Variants in RABGAP1L observed in about 807,000 individuals in gnomAD.
RABGAP1L encodes the protein rab GTPase-activating protein 1-like.
RABGAP1L carries 63 observed loss-of-function variants against 137.7 expected under a neutral mutation model. The observed-to-expected ratio is 0.46, with a 90% CI of 0.37 to 0.56. RABGAP1L has a LOEUF of 0.56. Among genes scored for constraint, RABGAP1L ranks in the 20% least tolerant of loss-of-function variants. The pLI, the probability that RABGAP1L is intolerant of heterozygous loss-of-function variation, is 0.00. For missense variants in RABGAP1L, 1,095 were observed against 1,244.0 expected, an observed-to-expected ratio of 0.88 and a Z score of 1.80; for synonymous variants, 431 against 433.7, an observed-to-expected ratio of 0.99 and a Z score of 0.08.
At chr1:174,875,408 G>A in intron 19 of RABGAP1L, 1 of 373,492 alleles carries the variant, frequency 2.7e-6, no homozygotes, top group Non-Finnish European at 3.7e-6. Context: ...GGGTGCATAG[G>A]CGCTGCTGAA....
At chr1:174,188,037 C>G (rs893071683) in intron 1 of RABGAP1L, among the ~76,000 whole-genome samples, 2 of 152,228 alleles carry the variant, frequency 1.3e-5, no homozygotes, top group African/African-American at 4.8e-5. Context: ...CTTCTTTAAT[C>G]CCACTTTTGT....
chr1:174,184,922 A>G (rs114124493), intron 1 of RABGAP1L, among the ~76,000 whole-genome samples: 1,661 of 152,288 alleles, frequency 0.011, 31 homozygotes, highest in African/African-American at 0.038. Flanking sequence ...TGGCAGGTGT[A>G]TGCTAGCGAT....
intron 1 of RABGAP1L, among the ~76,000 whole-genome samples, chr1:174,203,491 G>A (rs1352035710): frequency 6.6e-6 from 1 of 152,186 alleles, no homozygotes; most frequent in Admixed American, 6.5e-5. Flanking sequence ...CCCGTACCAT[G>A]CTGTTTTGGT....
chr1:174,409,065 A>C (rs1649605237), intron 13 of RABGAP1L, among the ~76,000 whole-genome samples: 1 of 152,156 alleles, frequency 6.6e-6, no homozygotes, highest in Non-Finnish European at 1.5e-5. Context: ...TCTTCAGTTT[A>C]ATTAGGTCCT....
intron 13 of RABGAP1L, among the ~76,000 whole-genome samples, chr1:174,456,980 C>T (rs905050695): frequency 2.6e-5 from 4 of 152,064 alleles, no homozygotes; most frequent in African/African-American, 9.7e-5. Context: ...ATGTTAAGGG[C>T]ATAAATTGTG....
chr1:174,383,343 G>A (rs61828650), intron 12 of RABGAP1L, among the ~76,000 whole-genome samples: 12 of 149,306 alleles, frequency 8.0e-5, no homozygotes, highest in African/African-American at 2.2e-4. Flanking sequence ...TGGCTGCTTT[G>A]TTTACCTAAG....
At chr1:174,497,162 G>A (rs534906970) in intron 13 of RABGAP1L, among the ~76,000 whole-genome samples, 2 of 152,112 alleles carry the variant, frequency 1.3e-5, no homozygotes, top group African/African-American at 4.8e-5. Context: ...ATAGAATTTT[G>A]TGTGAGTATA....
At chr1:174,675,102 A>G (rs1572764439) in intron 14 of RABGAP1L, among the ~76,000 whole-genome samples, 1 of 151,786 alleles carries the variant, frequency 6.6e-6, no homozygotes, top group Non-Finnish European at 1.5e-5. Flanking sequence ...ATTAGATCCC[A>G]TTTGTCAATT....
chr1:174,311,343 A>G (rs562425007), intron 11 of RABGAP1L, among the ~76,000 whole-genome samples: 42 of 152,226 alleles, frequency 2.8e-4, no homozygotes, highest in Admixed American at 2.5e-3. Flanking sequence ...GTATGGGGGA[A>G]ACTGCCCCCA....
chr1:174,664,740 T>A (rs1156537721), intron 14 of RABGAP1L, among the ~76,000 whole-genome samples: 1 of 134,808 alleles, frequency 7.4e-6, no homozygotes, highest in East Asian at 2.3e-4. Flanking sequence ...CTTTCTTTTT[T>A]TTTTTTTTTT....
At chr1:174,651,592 G>C (rs549207376) in intron 14 of RABGAP1L, among the ~76,000 whole-genome samples, 10 of 151,984 alleles carry the variant, frequency 6.6e-5, no homozygotes, top group African/African-American at 2.4e-4. Flanking sequence ...TTATGTAATG[G>C]CCTTCTTTGT....
chr1:174,383,461 C>G (rs972433839), intron 12 of RABGAP1L, among the ~76,000 whole-genome samples: 1 of 152,152 alleles, frequency 6.6e-6, no homozygotes, highest in Non-Finnish European at 1.5e-5. Context: ...GCGTAGGACC[C>G]TCTGAGCCAG....
intron 14 of RABGAP1L, among the ~76,000 whole-genome samples, chr1:174,646,218 A>C (rs981992223): frequency 6.6e-6 from 1 of 152,288 alleles, no homozygotes; most frequent in East Asian, 1.9e-4. Flanking sequence ...TCATTTAATT[A>C]GATCCCATTC....
At chr1:174,327,986 C>CATATATATATAT (rs3057021) in intron 11 of RABGAP1L, among the ~76,000 whole-genome samples, 23 of 53,624 alleles carry the variant, frequency 4.3e-4, no homozygotes, top group Admixed American at 2.6e-3. Context: ...TATACACACA[C>CATATATATATAT]ATATATATAT....
At chr1:174,716,321 G>A (rs1480712321) in intron 17 of RABGAP1L, among the ~76,000 whole-genome samples, 2 of 152,142 alleles carry the variant, frequency 1.3e-5, no homozygotes, top group East Asian at 1.9e-4. Flanking sequence ...GTAGAGTGCA[G>A]TGGCTATTCA....
chr1:174,435,984 C>G (rs529787712), intron 13 of RABGAP1L, among the ~76,000 whole-genome samples: 63 of 152,218 alleles, frequency 4.1e-4, no homozygotes, highest in Non-Finnish European at 7.4e-4. Context: ...AGGACATGAA[C>G]TCATCATTTT....
At chr1:174,316,539 G>A (rs781312575) in intron 11 of RABGAP1L, among the ~76,000 whole-genome samples, 1 of 152,144 alleles carries the variant, frequency 6.6e-6, no homozygotes, top group Non-Finnish European at 1.5e-5. Flanking sequence ...GAATTCTCTG[G>A]ATTACCATGC....
chr1:174,516,757 G>T (rs1244379997), intron 13 of RABGAP1L, among the ~76,000 whole-genome samples: 5 of 151,958 alleles, frequency 3.3e-5, no homozygotes, highest in African/African-American at 7.3e-5. Context: ...TCCTAGTTAA[G>T]TGGCAGAGCT....
chr1:174,402,350 A>G (rs1648702729), intron 13 of RABGAP1L, among the ~76,000 whole-genome samples: 1 of 152,196 alleles, frequency 6.6e-6, no homozygotes, highest in Non-Finnish European at 1.5e-5. Context: ...TAAGAGTAAT[A>G]AAGAAAAGGT....
Sources: allele counts gnomAD v4.1 joint callset (sites outside exome capture counted in the v4.1 genomes callset), GRCh38; gene constraint gnomAD v4.1.1; transcripts MANE v1.5; gene names NCBI Gene and HGNC (gene_info 2026-07-23, HGNC 2026-07-21).